The following ZNF71 variants were observed in gnomAD, a reference collection of about 807,000 sequenced individuals.
The protein encoded by ZNF71 is endothelial zinc finger protein induced by tumor necrosis factor alpha.
In ZNF71, 3 loss-of-function variants were observed where a neutral mutation model predicts 6.7. That is an observed-to-expected ratio of 0.45 (90% CI 0.20 to 1.16). The LOEUF is 1.16. Among genes scored for constraint, ZNF71 ranks in the 50% most tolerant of loss-of-function variants. ZNF71 has a pLI of 0.25. For synonymous variants in ZNF71, 343 were observed against 311.1 expected (o/e 1.10, Z -1.08); for missense variants, 688 against 728.6 (o/e 0.94, Z 0.64).
intron 2 of ZNF71, among the ~76,000 whole-genome samples, chr19:56,609,328 C>T (rs896464809): frequency 5.3e-5 from 8 of 152,044 alleles, no homozygotes; most frequent in African/African-American, 1.9e-4. Flanking sequence ...ATAAAGTAGA[C>T]ACATTAATAT....
At chr19:56,597,349 G>A (rs2044633528) in intron 1 of ZNF71, among the ~76,000 whole-genome samples, 1 of 152,100 alleles carries the variant, frequency 6.6e-6, no homozygotes, top group African/African-American at 2.4e-5. Context: ...AATGTTGATG[G>A]TAATATGAAG....
In ZNF71 at chr19:56,618,857, C is replaced by T. The variant is rs182700249; in HGVS notation, c.161-2411C>T. ...CATTCTCAGTACCGTAGGGAGGTCA[C>T]GGGAGGGTTGATCTGACTCCTCAGA... On this transcript the variant is annotated intron_variant, in intron 3 of 3. Transcript: ENST00000599599. The surrounding 1 kb of genome is among the most constrained non-coding windows in gnomAD (Gnocchi z 4.6). Among the ~76,000 whole-genome samples the T allele has an allele frequency of 1.3e-5, 2 of 152,172 alleles. No homozygotes were observed. The highest frequency in any genetic ancestry group is 3.9e-4 in the East Asian group (2 of 5,162).
rs2044810710 is a variant in ZNF71 at position 56,618,031 on chromosome 19, C to G, written c.161-3237C>G. On this transcript the variant is annotated intron_variant, in intron 3 of 3. Transcript: ENST00000599599. The surrounding 1 kb of genome is among the most constrained non-coding windows in gnomAD (Gnocchi z 4.6). ...TCTTCTCTCCACCGAGTCTACACCC[C>G]ACACTACCATCTGTGCCAGCATCTG... Among the ~76,000 whole-genome samples, 3 of 152,302 alleles carry G rather than the reference C, an allele frequency of 2.0e-5. No individual in the cohort carries two copies. The South Asian group carries it at 6.2e-4, about 32-fold the overall frequency.
intron 1 of ZNF71, among the ~76,000 whole-genome samples, chr19:56,600,246 G>A (rs1295092450): frequency 3.9e-4 from 5 of 12,916 alleles, no homozygotes; most frequent in African/African-American, 1.1e-3. Flanking sequence ...GTCGGACTGC[G>A]GACTGCAGTG....
Position 56,621,456 on chromosome 19 carries a change from G to C in ZNF71, c.349G>C (p.Glu117Gln), listed in dbSNP as rs1342240872. The C allele has an allele frequency of 6.2e-7, 1 of 1,613,992 alleles. No homozygotes were observed. Among genetic ancestry groups the C allele is most frequent in the East Asian group, 2.2e-5 (1 of 44,856 alleles). ...RPRGDAGAEWEPLGIPQGNKL... is the reference protein window; with the variant it reads ...RPRGDAGAEWQPLGIPQGNKL... ...GCGGGGAGATGCAGGTGCAGAGTGG[G>C]AGCCATTGGGAATTCCCCAGGGGAA... Residue 117 changes from glutamate to glutamine, a missense_variant, in exon 4 of 4, where the codon GAG becomes CAG. Glu to Gln is a conservative substitution (Grantham distance 29). Coordinates refer to ENST00000599599, the MANE Select transcript of ZNF71 (RefSeq NM_001370215.1).
At chr19:56,606,277 G>T (rs1473613574) in intron 2 of ZNF71, among the ~76,000 whole-genome samples, 1 of 152,086 alleles carries the variant, frequency 6.6e-6, no homozygotes, top group African/African-American at 2.4e-5. Context: ...TACATGAAAG[G>T]GTGAAGTATC....
intron 3 of ZNF71, among the ~76,000 whole-genome samples, chr19:56,619,778 CTTG>C (rs1319739312): frequency 6.6e-6 from 1 of 152,166 alleles, no homozygotes; most frequent in African/African-American, 2.4e-5. Flanking sequence ...CATGCAATGT[CTTG>C]TTGCCCATAA....
chr19:56,610,966 TCCACC>T (rs910815329), intron 2 of ZNF71, among the ~76,000 whole-genome samples: 8 of 152,246 alleles, frequency 5.3e-5, no homozygotes, highest in African/African-American at 1.9e-4. Context: ...ACTTGTTGCT[TCCACC>T]TTTTGTCTAT....
At chr19:56,608,285 C>T (rs2044724685) in intron 2 of ZNF71, among the ~76,000 whole-genome samples, 1 of 151,964 alleles carries the variant, frequency 6.6e-6, no homozygotes, top group African/African-American at 2.4e-5. Context: ...CTTTCCATCC[C>T]CCTCCCCTCC....
intron 3 of ZNF71, among the ~76,000 whole-genome samples, chr19:56,620,129 G>A (rs111397384): frequency 1.6e-4 from 25 of 152,252 alleles, no homozygotes; most frequent in African/African-American, 4.1e-4. Context: ...TCAAGTGAGC[G>A]GTCCTGTGTG....
At chr19:56,597,295 A>G (rs4801179) in intron 1 of ZNF71, among the ~76,000 whole-genome samples, 20,432 of 152,160 alleles carry the variant, frequency 0.13, 1,778 homozygotes, top group East Asian at 0.33. Context: ...GAAAGAGACC[A>G]CTATCTGCAA....
Position 56,616,589 on chromosome 19 carries a change from T to A in ZNF71, c.160+2651T>A, listed in dbSNP as rs538864589. 2.6e-5 allele frequency among the ~76,000 whole-genome samples: 4 copies of A among 152,322 alleles called. No individual in the cohort carries two copies. In the South Asian group the frequency reaches 8.3e-4, roughly 32 times the overall value. On this transcript the variant is annotated intron_variant, in intron 3 of 3. Coordinates refer to ENST00000599599, the MANE Select transcript of ZNF71 (RefSeq NM_001370215.1). ...GTCAGCTCCGGTCACTGTTTTCAAA[T>A]CCTTTCAGATGTTTTTTTCCTGTGT...
chr19:56,622,478 C>T lies in ZNF71; in HGVS notation c.1371C>T (p.Leu457=), dbSNP rs774984959. Residue 457 remains leucine (L), a synonymous_variant, in exon 4 of 4, where the codon CTC becomes CTT. Transcript: ENST00000599599. ...CKKHFTGRSS[L]IVHQIVHTGE... The stretch of plus-strand genomic sequence containing the variant: ...AGCACTTCACGGGGCGCTCGTCCCT[C>T]ATCGTGCACCAGATCGTGCACACCG... 3.7e-6 allele frequency: 6 copies of T among 1,609,090 alleles called. No individual in the cohort carries two copies. The Admixed American group carries it at 6.7e-5, about 18-fold the overall frequency.
At chr19:56,606,930 C>T (rs1448868005) in intron 2 of ZNF71, among the ~76,000 whole-genome samples, 1 of 152,070 alleles carries the variant, frequency 6.6e-6, no homozygotes, top group African/African-American at 2.4e-5. Flanking sequence ...GAACTAGACT[C>T]CACTAGTGAA....
rs1455038171 is a variant in ZNF71 at position 56,603,240 on chromosome 19, G to A, written c.33+1649G>A. ...TTTCCATTTTCCCCCATCAGTCCAC[G>A]GCCCCTGGCAACCAGTAATCAGCTT... On this transcript the variant is annotated intron_variant, in intron 2 of 3. Coordinates refer to ENST00000599599, the MANE Select transcript of ZNF71 (RefSeq NM_001370215.1). The surrounding 1 kb of genome is among the most constrained non-coding windows in gnomAD (Gnocchi z 4.6). Among the ~76,000 whole-genome samples, 2 of 152,074 alleles carry A rather than the reference G, an allele frequency of 1.3e-5. No individual in the cohort carries two copies. The highest frequency in any genetic ancestry group is 1.9e-4 in the East Asian group (1 of 5,196).
chr19:56,601,866 T>G (rs1402165272), intron 2 of ZNF71, among the ~76,000 whole-genome samples: 1 of 152,134 alleles, frequency 6.6e-6, no homozygotes, highest in Admixed American at 6.5e-5. Flanking sequence ...CATGTGACAT[T>G]GAGTGAAAAC....
chr19:56,599,430 C>T (rs138110119), intron 1 of ZNF71, among the ~76,000 whole-genome samples: 29 of 152,224 alleles, frequency 1.9e-4, no homozygotes, highest in African/African-American at 7.0e-4. Context: ...GGGAAACAAA[C>T]TTTAAAACAA....
rs764436296 is a variant in ZNF71 at position 56,621,932 on chromosome 19, G to T, written c.825G>T (p.Val275=). The stretch of plus-strand genomic sequence containing the variant: ...CGCACACGGGCGAGAAGCCGTATGT[G>T]TGCGACGTGTGTGGCAAGGCCTTCC... The part of the protein sequence containing the change: ...QRTHTGEKPY[V]CDVCGKAFRK... Residue 275 remains valine (V), a synonymous_variant, in exon 4 of 4, where the codon GTG becomes GTT. Coordinates refer to ENST00000599599, the MANE Select transcript of ZNF71 (RefSeq NM_001370215.1). 22 of 1,605,818 alleles carry T rather than the reference G, an allele frequency of 1.4e-5. No individual in the cohort carries two copies. The highest frequency in any genetic ancestry group is 1.9e-5 in the Non-Finnish European group (22 of 1,178,378).
Position 56,621,925 on chromosome 19 carries a change from C to T in ZNF71, c.818C>T (p.Pro273Leu), listed in dbSNP as rs199560535. ...CAGCGCACGCACACGGGCGAGAAGC[C>T]GTATGTGTGCGACGTGTGTGGCAAG... ...VHQRTHTGEK[P>L]YVCDVCGKAF... The change falls in exon 4 of 4, where the codon CCG becomes CTG. Residue 273 changes from proline (P) to leucine (L), a missense_variant. Transcript: ENST00000599599. 1 of 1,613,398 alleles carries T rather than the reference C, an allele frequency of 6.2e-7. No homozygotes were observed. Among genetic ancestry groups the T allele is most frequent in the African/African-American group, 1.3e-5 (1 of 74,946 alleles).
Sources: allele counts gnomAD v4.1 joint callset (sites outside exome capture counted in the v4.1 genomes callset), GRCh38; gene constraint gnomAD v4.1.1; non-coding constraint Gnocchi (gnomAD v3.1); transcripts MANE v1.5; gene names NCBI Gene and HGNC (gene_info 2026-07-23, HGNC 2026-07-21).